Variants in BCR observed in about 807,000 individuals in gnomAD.
BCR encodes the protein breakpoint cluster region protein.
A neutral mutation model predicts 138.6 loss-of-function variants in BCR; 58 were observed. The ratio of observed to expected loss-of-function variants is 0.42; its 90% CI spans 0.34 to 0.52. BCR has a LOEUF of 0.52. BCR is among the 20% of genes least tolerant of loss of function. The pLI is 0.06. For synonymous variants in BCR, 786 were observed against 730.1 expected (o/e 1.08, Z -1.23); for missense variants, 1,599 against 1,727.2 (o/e 0.93, Z 1.32).
intron 1 of BCR, among the ~76,000 whole-genome samples, chr22:23,242,597 G>A (rs1316804922): frequency 6.6e-6 from 1 of 152,186 alleles, no homozygotes; most frequent in Non-Finnish European, 1.5e-5. Flanking sequence ...CGTCTTTGCA[G>A]CTCCCTGCCC....
At chr22:23,236,129 A>T (rs1298317602) in intron 1 of BCR, among the ~76,000 whole-genome samples, 1 of 152,150 alleles carries the variant, frequency 6.6e-6, no homozygotes, top group Non-Finnish European at 1.5e-5. Context: ...CCCAGCTCTG[A>T]GGTCCTCTGG....
intron 4 of BCR, chr22:23,262,926 G>A: frequency 9.0e-7 from 1 of 1,105,646 alleles, no homozygotes; most frequent in Non-Finnish European, 1.1e-6. Flanking sequence ...AAGAGAGGAA[G>A]CAGAGGGAGG....
intron 15 of BCR, among the ~76,000 whole-genome samples, chr22:23,294,511 G>A (rs574648825): frequency 7.9e-5 from 12 of 152,232 alleles, no homozygotes; most frequent in African/African-American, 1.9e-4. Context: ...AGCAATTCTC[G>A]TGCCTCAGCC....
At chr22:23,294,270 C>T (rs1261070075) in intron 15 of BCR, among the ~76,000 whole-genome samples, 2 of 152,144 alleles carry the variant, frequency 1.3e-5, no homozygotes, top group East Asian at 1.9e-4. Context: ...AGGGTTCATT[C>T]TTGGTGTTAC....
chr22:23,290,455 A>G, intron 14 of BCR, 42 bp downstream of exon 14: 1 of 1,584,328 alleles, frequency 6.3e-7, no homozygotes, highest in South Asian at 1.1e-5. Context: ...CGGCCGAGCC[A>G]GGGTCTCCAC....
At chr22:23,208,011 C>T (rs370230968) in intron 1 of BCR, among the ~76,000 whole-genome samples, 1 of 152,218 alleles carries the variant, frequency 6.6e-6, no homozygotes, top group African/African-American at 2.4e-5. Flanking sequence ...CCCATCTGTA[C>T]CCACCTTTGC....
intron 8 of BCR, chr22:23,283,258 C>A (rs1163940928): frequency 6.6e-6 from 1 of 152,304 alleles, no homozygotes; most frequent in African/African-American, 2.4e-5. Context: ...CCGCAGGTGT[C>A]CAGGCAGGTG....
At position 23,295,085 on chromosome 22, in the gene BCR, A is replaced by G. The variant is rs764781339; in HGVS notation, c.2942A>G (p.Tyr981Cys). Residue 981 changes from tyrosine to cysteine, a missense_variant, in exon 16 of 23, where the codon TAC (tyrosine) becomes TGC (cysteine). Physicochemically the swap from Tyr to Cys is radical, Grantham distance 194. This residue lies in a region of BCR where 590 missense variants were observed against 762.4 expected (regional missense o/e 0.77). Coordinates refer to ENST00000305877, the MANE Select transcript of BCR (RefSeq NM_004327.4). ...AGGATACTGTGCTATGAAAAGTGTTACAACAAGACGAAGATCCCCAAGGAG... is the reference window on the plus strand; with the variant it reads ...AGGATACTGTGCTATGAAAAGTGTTGCAACAAGACGAAGATCCCCAAGGAG... ...TLRILCYEKC[Y>C]NKTKIPKEDG... 6.2e-7 allele frequency: 1 copy of G among 1,614,082 alleles called. No homozygotes were observed. The highest frequency in any genetic ancestry group is 8.5e-7 in the Non-Finnish European group (1 of 1,180,042).
intron 1 of BCR, chr22:23,198,306 A>G (rs769639589): frequency 2.3e-5 from 10 of 441,046 alleles, no homozygotes; most frequent in Non-Finnish European, 4.4e-5. Context: ...GCAGGGCCAC[A>G]TCTTTGTCCG....
chr22:23,301,501 G>A (rs183377912), intron 16 of BCR, among the ~76,000 whole-genome samples: 9 of 152,254 alleles, frequency 5.9e-5, no homozygotes, highest in African/African-American at 1.2e-4. Flanking sequence ...CCCATACCCC[G>A]TCCCATGAAT....
In BCR at chr22:23,253,746, T is replaced by C. The variant is rs1332376739; in HGVS notation, c.1280-53T>C. The C allele has an allele frequency of 3.8e-6, 6 of 1,560,702 alleles. No individual in the cohort carries two copies. The Admixed American group carries it at 7.0e-5, about 18-fold the overall frequency. ...TGGGTGCTTGCTGGGATGGGTTGAG[T>C]ATGGATGCTCCCTTCTCTGTCTCTA... On this transcript the variant is annotated intron_variant, in intron 1 of 22. Transcript: ENST00000305877.
intron 1 of BCR, among the ~76,000 whole-genome samples, chr22:23,232,021 C>T (rs2072964978): frequency 6.6e-6 from 1 of 152,224 alleles, no homozygotes; most frequent in Non-Finnish European, 1.5e-5. Flanking sequence ...TCTCCAGCCT[C>T]CCAGCCCAGG....
chr22:23,252,338 C>T (rs1187946551), intron 1 of BCR, among the ~76,000 whole-genome samples: 3 of 152,128 alleles, frequency 2.0e-5, no homozygotes, highest in Non-Finnish European at 4.4e-5. Context: ...CCCCATCAGA[C>T]CCCATGGGCA....
At chr22:23,245,927 G>A (rs897652373) in intron 1 of BCR, among the ~76,000 whole-genome samples, 4 of 152,146 alleles carry the variant, frequency 2.6e-5, no homozygotes, top group Admixed American at 6.5e-5. Flanking sequence ...GTTTAGTTCC[G>A]AAACATTTTC....
At chr22:23,268,705 C>T (rs1369487170) in intron 5 of BCR, among the ~76,000 whole-genome samples, 190 bp downstream of exon 5, 1 of 152,226 alleles carries the variant, frequency 6.6e-6, no homozygotes, top group Non-Finnish European at 1.5e-5. Flanking sequence ...GAGCAGCCCA[C>T]AGGGCGTCCT....
At position 23,315,798 on chromosome 22, in the gene BCR, G is replaced by C. The variant is rs989233671; in HGVS notation, c.*276G>C. On this transcript the variant is annotated 3_prime_UTR_variant, in exon 23 of 23. Transcript: ENST00000305877. Reference sequence around the variant, plus strand: ...CATCTCGGAGTCCAGGCCTGGCCCTGGGAGACAGGGTGAAGGGAGTGGTTT... The same window carrying C: ...CATCTCGGAGTCCAGGCCTGGCCCTCGGAGACAGGGTGAAGGGAGTGGTTT... 8.4e-5 allele frequency: 44 copies of C among 525,002 alleles called. No individual in the cohort carries two copies. The highest frequency in any genetic ancestry group is 5.3e-4 in the Middle Eastern group (1 of 1,898). 32.5% of individuals were successfully genotyped at this position (525,002 alleles called of 1,614,324 possible).
Position 23,297,230 on chromosome 22 carries a change from TTTTTTTTC to T in BCR, c.3012+2076_3012+2083del, listed in dbSNP as rs1279177156. 1.2e-4 allele frequency among the ~76,000 whole-genome samples: 18 copies of T among 145,692 alleles called. 1 individual carries two copies. Among genetic ancestry groups the T allele is most frequent in the African/African-American group, 3.2e-4 (12 of 37,818 alleles). ...TTGTTTTTTGTTTTTTGTTTTTTTT[TTTTTTTTC>T]GAGACAGAGTTTTGCTCTTGTTGCC... On this transcript the variant is annotated intron_variant, in intron 16 of 22. Transcript: ENST00000305877.
At chr22:23,297,224 T>G (rs1410675984) in intron 16 of BCR, among the ~76,000 whole-genome samples, 2 of 141,862 alleles carry the variant, frequency 1.4e-5, no homozygotes, top group African/African-American at 2.6e-5. Flanking sequence ...GTTTTTTGTT[T>G]TTTTTTTTTT....
intron 1 of BCR, among the ~76,000 whole-genome samples, chr22:23,219,798 C>A (rs2072801742): frequency 6.6e-6 from 1 of 152,212 alleles, no homozygotes; most frequent in Non-Finnish European, 1.5e-5. Context: ...AGGCTACTTT[C>A]TGCAGTCACC....
Sources: allele counts gnomAD v4.1 joint callset (sites outside exome capture counted in the v4.1 genomes callset), GRCh38; gene constraint gnomAD v4.1.1; regional missense constraint gnomAD v4.1.1; transcripts MANE v1.5; gene names NCBI Gene and HGNC (gene_info 2026-07-23, HGNC 2026-07-21).